Variants in DRP2 observed in about 807,000 individuals in gnomAD.
DRP2 encodes dystrophin-related protein 2.
DRP2 carries 29 observed loss-of-function variants against 78.2 expected under a neutral mutation model. The ratio of observed to expected loss-of-function variants is 0.37; its 90% CI spans 0.28 to 0.51. The LOEUF (loss-of-function observed/expected upper bound fraction) is 0.51, where lower values mean the gene tolerates loss of function less well. Among genes scored for constraint, DRP2 ranks in the 20% least tolerant of loss-of-function variants. The pLI, the probability that DRP2 is intolerant of heterozygous loss-of-function variation, is 0.94. For synonymous variants in DRP2, 290 were observed against 281.9 expected (o/e 1.03, Z -0.29); for missense variants, 686 against 770.6 (o/e 0.89, Z 1.30).
chrX:101,238,834 C>G, intron 5 of DRP2, 147 bp from the exon 6 acceptor site: 2 of 678,387 alleles, frequency 2.9e-6, no homozygotes, highest in Non-Finnish European at 2.2e-6. Context: ...GGATTGCACG[C>G]CTTTTTGTCT....
chrX:101,223,827 G>C (rs1010367503), intron 1 of DRP2, among the ~76,000 whole-genome samples: 4 of 111,824 alleles, frequency 3.6e-5, no homozygotes, highest in Non-Finnish European at 7.5e-5. Flanking sequence ...TGATCTCAAA[G>C]GTCCTTTCTA....
At position 101,240,069 on chromosome X, in the gene DRP2, A is replaced by G. The variant is rs187033181; in HGVS notation, c.559+968A>G. ...AAAAATAAATAATATACAATAAAAT[A>G]ACAAACTAAAATAATCATAATTTAA... On this transcript the variant is annotated intron_variant, in intron 6 of 23. Transcript: ENST00000395209. Among the ~76,000 whole-genome samples, 30 of 112,316 alleles carry G rather than the reference A, an allele frequency of 2.7e-4. No individual in the cohort carries two copies. In the Admixed American group the frequency reaches 2.8e-3, roughly 11 times the overall value.
rs765440764 is a variant in DRP2 at position 101,254,893 on chromosome X, A to G, written c.2149A>G (p.Thr717Ala). 9 of 1,211,825 alleles carry G rather than the reference A, an allele frequency of 7.4e-6. No individual in the cohort carries two copies. Among genetic ancestry groups the G allele is most frequent in the Non-Finnish European group, 7.8e-6 (7 of 895,570 alleles). The stretch of plus-strand genomic sequence containing the variant: ...TTCCCCGATGTGGCCACACGCCGAC[A>G]CACACTCCCGAATTGAGCATTTTGC... ...ASSPMWPHAD[T>A]HSRIEHFASR... Residue 717 changes from threonine to alanine, a missense_variant, in exon 19 of 24, where the codon ACA becomes GCA. By Grantham distance (58) the Thr-to-Ala change is moderately conservative (BLOSUM62 0). Around this residue, in one of 2 missense-constraint regions of DRP2, gnomAD observed 423 missense variants for 531.5 expected, o/e 0.80. Transcript: ENST00000395209.
At chrX:101,244,417 C>T (rs1922852330) in intron 9 of DRP2, among the ~76,000 whole-genome samples, 1 of 111,848 alleles carries the variant, frequency 8.9e-6, no homozygotes, top group South Asian at 3.8e-4. Flanking sequence ...TACAGCTATA[C>T]CTGCAGGCGG....
At chrX:101,220,455 G>C (rs759053867) in intron 1 of DRP2, among the ~76,000 whole-genome samples, 4 of 110,089 alleles carry the variant, frequency 3.6e-5, no homozygotes, top group African/African-American at 1.3e-4. Context: ...AAGCCGATTT[G>C]AGCAACTAAG....
intron 8 of DRP2, 68 bp downstream of exon 8, chrX:101,242,539 T>C: frequency 8.8e-7 from 1 of 1,132,932 alleles, no homozygotes; most frequent in Middle Eastern, 3.4e-4. Context: ...GGGAAACTTC[T>C]TCAGGGGTAT....
intron 17 of DRP2, among the ~76,000 whole-genome samples, chrX:101,253,698 C>T (rs1320796731): frequency 9.2e-6 from 1 of 108,780 alleles, no homozygotes; most frequent in Non-Finnish European, 1.9e-5. Flanking sequence ...TATTTTTCAA[C>T]CTGTTTCCCC....
At chrX:101,224,488 A>T (rs1399830952) in intron 1 of DRP2, 116 bp from the exon 2 acceptor site, 2 of 110,758 alleles carry the variant, frequency 1.8e-5, no homozygotes, top group Non-Finnish European at 3.8e-5. Context: ...TGTTTTTACA[A>T]AATTGGAGTT....
intron 2 of DRP2, among the ~76,000 whole-genome samples, chrX:101,227,475 G>C (rs961537232): frequency 3.6e-5 from 4 of 111,563 alleles, no homozygotes; most frequent in African/African-American, 1.3e-4. Context: ...CCAGGAATCA[G>C]GAGGCCCTGG....
At chrX:101,258,662 A>T in intron 22 of DRP2, 116 bp downstream of exon 22, 1 of 647,018 alleles carries the variant, frequency 1.5e-6, no homozygotes, top group Non-Finnish European at 2.3e-6. Flanking sequence ...AGTGGCTGTC[A>T]GGTAACTTCC....
At chrX:101,240,470 A>C (rs1922679281) in intron 6 of DRP2, among the ~76,000 whole-genome samples, 1 of 112,611 alleles carries the variant, frequency 8.9e-6, no homozygotes, top group African/African-American at 3.2e-5. Flanking sequence ...TCTTGGGCTC[A>C]AGTGATCGGC....
chrX:101,221,633 C>T (rs1023105246), intron 1 of DRP2, among the ~76,000 whole-genome samples: 2 of 112,266 alleles, frequency 1.8e-5, no homozygotes, highest in African/African-American at 6.5e-5. Context: ...GCTCTGTGCT[C>T]CAGGTCAGAT....
intron 3 of DRP2, 24 bp downstream of exon 3, chrX:101,231,788 A>G (rs1293736994): frequency 6.1e-6 from 7 of 1,156,965 alleles, no homozygotes; most frequent in Non-Finnish European, 8.2e-6. Context: ...AGTGAAAGAA[A>G]GACCTGTGGA....
chrX:101,240,452 T>C (rs1820915390), intron 6 of DRP2, among the ~76,000 whole-genome samples: 1 of 112,658 alleles, frequency 8.9e-6, no homozygotes, highest in African/African-American at 3.2e-5. Context: ...GCCAGGCTGG[T>C]CTTGAACTCT....
intron 8 of DRP2, 97 bp from the exon 9 acceptor site, chrX:101,242,807 T>G: frequency 1.2e-6 from 1 of 841,056 alleles, no homozygotes; most frequent in South Asian, 2.3e-5. Flanking sequence ...GAAAAGCCAG[T>G]CCCTGAGGAA....
At chrX:101,250,706 G>C in intron 15 of DRP2, 126 bp downstream of exon 15, 1 of 975,257 alleles carries the variant, frequency 1.0e-6, no homozygotes, top group Non-Finnish European at 1.4e-6. Flanking sequence ...TTATTGGGAT[G>C]GAACAACAGG....
At chrX:101,254,403 C>G in intron 17 of DRP2, 22 bp from the exon 18 acceptor site, 1 of 1,211,046 alleles carries the variant, frequency 8.3e-7, no homozygotes, top group Non-Finnish European at 1.1e-6. Context: ...GGGTAAGTTC[C>G]TCTGCCCTGT....
In DRP2 at chrX:101,253,891, C is replaced by T. The variant is rs1364900607; in HGVS notation, c.1978-534C>T. Among the ~76,000 whole-genome samples, 5 of 111,116 alleles carry T rather than the reference C, an allele frequency of 4.5e-5. No individual in the cohort carries two copies. In the East Asian group the frequency reaches 1.1e-3, roughly 25 times the overall value. On this transcript the variant is annotated intron_variant, in intron 17 of 23. Coordinates refer to ENST00000395209, the MANE Select transcript of DRP2 (RefSeq NM_001939.3). ...GACTGATAATCCTCTACCACCTGCT[C>T]GTCCTCTACATCCTTAGAATTCATA...
At chrX:101,243,518 C>A (rs1224704927) in intron 9 of DRP2, among the ~76,000 whole-genome samples, 1 of 110,133 alleles carries the variant, frequency 9.1e-6, no homozygotes, top group Non-Finnish European at 1.9e-5. Flanking sequence ...TTCTGAACCT[C>A]AATTTTCCCA....
Sources: allele counts gnomAD v4.1 joint callset (sites outside exome capture counted in the v4.1 genomes callset), GRCh38; gene constraint gnomAD v4.1.1; regional missense constraint gnomAD v4.1.1; transcripts MANE v1.5; gene names NCBI Gene and HGNC (gene_info 2026-07-23, HGNC 2026-07-21).